The following GRID1 variants were observed in gnomAD, a reference collection of about 807,000 sequenced individuals.
GRID1 encodes glutamate ionotropic receptor delta type subunit 1, also known as glutamate receptor ionotropic, delta-1.
Under a neutral mutation model 98.0 loss-of-function variants are expected in GRID1, and 28 were observed. That is an observed-to-expected ratio of 0.29 (90% CI 0.21 to 0.39). GRID1 has a LOEUF of 0.39. Ranked by LOEUF, GRID1 falls within the 10% of genes least tolerant of loss-of-function variation. GRID1 has a pLI of 1.00. For missense variants in GRID1, 1,111 were observed against 1,340.5 expected, an observed-to-expected ratio of 0.83 and a Z score of 2.67; for synonymous variants, 553 against 538.5, an observed-to-expected ratio of 1.03 and a Z score of -0.37.
At chr10:85,681,081 G>A (rs973426363) in intron 12 of GRID1, among the ~76,000 whole-genome samples, 2 of 152,014 alleles carry the variant, frequency 1.3e-5, no homozygotes, top group East Asian at 1.9e-4. Flanking sequence ...TCGTCACTAC[G>A]CAATATATCC....
intron 4 of GRID1, among the ~76,000 whole-genome samples, chr10:85,995,251 T>C (rs1383408579): frequency 6.6e-6 from 1 of 152,190 alleles, no homozygotes; most frequent in Non-Finnish European, 1.5e-5. Flanking sequence ...CGGCCACCTA[T>C]CAGCAATCCT....
At chr10:85,906,071 C>G (rs1214649510) in intron 5 of GRID1, among the ~76,000 whole-genome samples, 1 of 151,978 alleles carries the variant, frequency 6.6e-6, no homozygotes, top group African/African-American at 2.4e-5. Flanking sequence ...AGGTATTATA[C>G]TAACACAAGT....
rs551515115 is a variant in GRID1 at position 85,881,351 on chromosome 10, T to C, written c.781-12171A>G. The stretch of plus-strand genomic sequence containing the variant: ...AGCCAAAAGAACAAAGCCAGAGGCA[T>C]CACACTACCTGACGTCGAACTATAC... On this transcript the variant is annotated intron_variant, in intron 5 of 15. Transcript: ENST00000327946. Among the ~76,000 whole-genome samples, 5 of 152,228 alleles carry C rather than the reference T, an allele frequency of 3.3e-5. No individual in the cohort carries two copies. The South Asian group carries it at 8.3e-4, about 25-fold the overall frequency.
At chr10:85,623,597 C>T (rs1334740058) in intron 13 of GRID1, among the ~76,000 whole-genome samples, 1 of 152,144 alleles carries the variant, frequency 6.6e-6, no homozygotes, top group Admixed American at 6.5e-5. Flanking sequence ...CAAGCAACTC[C>T]TCTCTTCCCT....
At chr10:86,135,566 G>A (rs1844911901) in intron 4 of GRID1, among the ~76,000 whole-genome samples, 1 of 151,920 alleles carries the variant, frequency 6.6e-6, no homozygotes. Context: ...GAGGATGAAT[G>A]TGGAATAAAG....
chr10:86,314,454 C>T (rs887556474), intron 2 of GRID1, among the ~76,000 whole-genome samples: 1 of 152,252 alleles, frequency 6.6e-6, no homozygotes, highest in Non-Finnish European at 1.5e-5. Flanking sequence ...TCCCTGACCC[C>T]TCAGGGTGGG....
intron 4 of GRID1, among the ~76,000 whole-genome samples, chr10:86,056,963 T>C (rs2003112): frequency 0.076 from 11,574 of 152,280 alleles, 525 homozygotes; most frequent in African/African-American, 0.13. Flanking sequence ...AACTGCCCCT[T>C]GCCTGGCTTT....
chr10:86,325,299 A>G (rs1468427092), intron 2 of GRID1, among the ~76,000 whole-genome samples: 1 of 152,218 alleles, frequency 6.6e-6, no homozygotes, highest in East Asian at 1.9e-4. Context: ...AGTAGGCACT[A>G]CTGTCCCACG....
chr10:86,159,255 A>G (rs535475684), intron 3 of GRID1, among the ~76,000 whole-genome samples: 12 of 152,338 alleles, frequency 7.9e-5, no homozygotes, highest in African/African-American at 2.9e-4. Flanking sequence ...TTTAAATTAC[A>G]TATGCGGTTC....
chr10:86,144,714 C>T (rs1018445165), intron 3 of GRID1, among the ~76,000 whole-genome samples: 1 of 152,160 alleles, frequency 6.6e-6, no homozygotes, highest in Non-Finnish European at 1.5e-5. Flanking sequence ...CCCCTCTGCT[C>T]CCACCCGCTC....
intron 8 of GRID1, among the ~76,000 whole-genome samples, chr10:85,853,327 G>T (rs1275265595): frequency 6.6e-6 from 1 of 152,206 alleles, no homozygotes; most frequent in African/African-American, 2.4e-5. Context: ...AGGCTAGAGG[G>T]CTCTTTGCTG....
intron 8 of GRID1, among the ~76,000 whole-genome samples, chr10:85,806,412 G>A (rs1842623445): frequency 6.6e-6 from 1 of 152,108 alleles, no homozygotes; most frequent in East Asian, 1.9e-4. Context: ...TTCTTAGACT[G>A]TGTTCTTAGA....
chr10:86,297,819 T>C (rs1847617032), intron 2 of GRID1, among the ~76,000 whole-genome samples: 1 of 152,236 alleles, frequency 6.6e-6, no homozygotes, highest in Admixed American at 6.5e-5. Context: ...GGGAAGGTGC[T>C]GTTAGCAAAC....
At chr10:86,005,962 G>A (rs1382084214) in intron 4 of GRID1, among the ~76,000 whole-genome samples, 1 of 152,126 alleles carries the variant, frequency 6.6e-6, no homozygotes, top group Non-Finnish European at 1.5e-5. Flanking sequence ...TTCTATTCAA[G>A]ATTCTGACAG....
At chr10:86,282,107 T>G (rs1185570032) in intron 2 of GRID1, among the ~76,000 whole-genome samples, 1 of 152,228 alleles carries the variant, frequency 6.6e-6, no homozygotes, top group Non-Finnish European at 1.5e-5. Context: ...TTTGCTCATC[T>G]GCAAACTGGG....
chr10:86,302,821 C>T (rs1040117630), intron 2 of GRID1, among the ~76,000 whole-genome samples: 10 of 152,216 alleles, frequency 6.6e-5, no homozygotes, highest in Admixed American at 2.6e-4. Flanking sequence ...TCTTGAACCA[C>T]CAGCAGCAGC....
At chr10:85,865,082 AAG>A (rs1843201951) in intron 6 of GRID1, among the ~76,000 whole-genome samples, 1 of 152,202 alleles carries the variant, frequency 6.6e-6, no homozygotes, top group South Asian at 2.1e-4. Context: ...AATCTTAGCA[AAG>A]TCTCAGGGTT....
Position 85,872,229 on chromosome 10 carries a change from A to C in GRID1, c.781-3049T>G, listed in dbSNP as rs117552042. Among the ~76,000 whole-genome samples, 775 of 152,314 alleles carry C rather than the reference A, an allele frequency of 5.1e-3. 9 individuals are homozygous for C. The highest frequency in any genetic ancestry group is 8.6e-3 in the Non-Finnish European group (582 of 68,032). ...AGAAAAAGCAATGAGTAGGTTAGTTAGTTTTACCTGAAAGACAGAATATAA... is the reference window on the plus strand; with the variant it reads ...AGAAAAAGCAATGAGTAGGTTAGTTCGTTTTACCTGAAAGACAGAATATAA... On this transcript the variant is annotated intron_variant, in intron 5 of 15. Transcript: ENST00000327946.
At chr10:86,355,328 T>C (rs1163952333) in intron 2 of GRID1, among the ~76,000 whole-genome samples, 2 of 152,242 alleles carry the variant, frequency 1.3e-5, no homozygotes, top group Non-Finnish European at 2.9e-5. Flanking sequence ...AGGGCCAGGC[T>C]GAGCACAGTG....
Sources: allele counts gnomAD v4.1 joint callset (sites outside exome capture counted in the v4.1 genomes callset), GRCh38; gene constraint gnomAD v4.1.1; transcripts MANE v1.5; gene names NCBI Gene and HGNC (gene_info 2026-07-23, HGNC 2026-07-21).